The following IRS2 variants were observed in gnomAD, a reference collection of about 807,000 sequenced individuals.
IRS2 encodes the protein insulin receptor substrate 2.
IRS2 carries 28 observed loss-of-function variants against 70.9 expected under a neutral mutation model. The ratio of observed to expected loss-of-function variants is 0.39; its 90% CI spans 0.29 to 0.54. IRS2 has a LOEUF of 0.54. Ranked by LOEUF, IRS2 falls within the 20% of genes least tolerant of loss-of-function variation. The probability of loss-of-function intolerance (pLI) is 0.59; values close to 1 mark genes in which losing one functional copy is unlikely to be tolerated. For missense variants in IRS2, 2,081 were observed against 2,024.1 expected (o/e 1.03, Z -0.54); for synonymous variants, 1,217 against 981.9 (o/e 1.24, Z -4.48).
Position 109,784,317 on chromosome 13 carries a change from G to A in IRS2, c.1737C>T (p.Thr579=), listed in dbSNP as rs768507967. The stretch of plus-strand genomic sequence containing the variant: ...GCACCGGCCGCTGCCGGGCTGGCGT[G>A]GTCAGGGAGTAGGTCCTCTTGCGCA... ...RGLRKRTYSL[T]TPARQRPVPQ... The change falls in exon 1 of 2, where the codon ACC becomes ACT. Residue 579 remains threonine, a synonymous_variant. Coordinates refer to ENST00000375856, the MANE Select transcript of IRS2 (RefSeq NM_003749.3). The surrounding 1 kb of genome is among the most constrained non-coding windows in gnomAD (Gnocchi z 5.2). The A allele has an allele frequency of 6.2e-7, 1 of 1,604,188 alleles. No homozygotes were observed.
chr13:109,782,887 G>C lies in IRS2; in HGVS notation c.3167C>G (p.Pro1056Arg), dbSNP rs769819684. The C allele has an allele frequency of 1.3e-6, 2 of 1,558,842 alleles. No individual in the cohort carries two copies. Among genetic ancestry groups the C allele is most frequent in the South Asian group, 1.2e-5 (1 of 85,026 alleles). ...CGAGGACAACGATGAGGCGGCGCCC[G>C]GGCCCTGGGCGGTGGCAACGGCCGA... is the stretch of plus-strand genomic sequence containing the variant. ...PASAVATAQG[P>R]GAASSLSSDT... The change falls in exon 1 of 2, where the codon CCG becomes CGG. Residue 1056 changes from proline to arginine, a missense_variant. This residue lies in a region of IRS2 where 1,615 missense variants were observed against 1,459.5 expected (regional missense o/e 1.11). Transcript: ENST00000375856.
Position 109,784,541 on chromosome 13 carries a change from A to G in IRS2, c.1513T>C (p.Ser505Pro), listed in dbSNP as rs2138936162. Residue 505 changes from serine to proline, a missense_variant, in exon 1 of 2, where the codon TCC becomes CCC. Ser to Pro is a moderately conservative substitution (Grantham distance 74). This residue lies in a region of IRS2 where 1,615 missense variants were observed against 1,459.5 expected (regional missense o/e 1.11). Transcript: ENST00000375856. The surrounding 1 kb of genome is among the most constrained non-coding windows in gnomAD (Gnocchi z 5.2). ...PGFMSLDEYG[S>P]SPGDLRAFCS... The stretch of plus-strand genomic sequence containing the variant: ...AAGGCGCGCAGGTCGCCTGGGCTGG[A>G]GCCGTACTCGTCCAGGGACATGAAG... 6.6e-7 allele frequency: 1 copy of G among 1,505,818 alleles called. No individual in the cohort carries two copies. 93.3% of individuals were successfully genotyped at this position (1,505,818 alleles called of 1,614,324 possible). A position where few individuals can be genotyped will look rare whatever the true frequency, so the allele number is the denominator to read the frequency against.
At chr13:109,757,792 G>A (rs1016207990) in intron 1 of IRS2, among the ~76,000 whole-genome samples, 47 of 151,890 alleles carry the variant, frequency 3.1e-4, no homozygotes, top group Admixed American at 1.9e-3. Flanking sequence ...AGCAATTCTC[G>A]TGTCTCAGCC....
In IRS2 at chr13:109,782,055, G is replaced by A. The variant is rs958499333; in HGVS notation, c.3999C>T (p.Ala1333=). The change falls in exon 1 of 2, where the codon GCC becomes GCT. Residue 1333 remains alanine, a synonymous_variant. Coordinates refer to ENST00000375856, the MANE Select transcript of IRS2 (RefSeq NM_003749.3). ...IDFLSHHLKE[A]TIVKE ...GGGCCTCCTCACCTTTCACGATGGT[G>A]GCCTCCTTCAAGTGGTGGGACAAGA... 6 of 1,612,366 alleles carry A rather than the reference G, an allele frequency of 3.7e-6. No homozygotes were observed. The highest frequency in any genetic ancestry group is 1.3e-5 in the African/African-American group (1 of 74,926).
chr13:109,760,887 G>A (rs1004960582), intron 1 of IRS2, among the ~76,000 whole-genome samples: 1 of 152,156 alleles, frequency 6.6e-6, no homozygotes, highest in Non-Finnish European at 1.5e-5. Context: ...CACGGAGCTG[G>A]GCACCATGAC....
At chr13:109,778,793 C>A (rs994153550) in intron 1 of IRS2, among the ~76,000 whole-genome samples, 1 of 152,036 alleles carries the variant, frequency 6.6e-6, no homozygotes, top group Non-Finnish European at 1.5e-5. Flanking sequence ...CATATATATA[C>A]GCCAATTTTA....
intron 1 of IRS2, among the ~76,000 whole-genome samples, chr13:109,781,478 G>A (rs1253350202): frequency 2.0e-5 from 3 of 152,212 alleles, no homozygotes; most frequent in Non-Finnish European, 4.4e-5. Flanking sequence ...CCCACAGTTT[G>A]TGTGTAAAAC....
chr13:109,785,966 T>G lies in IRS2; in HGVS notation c.88A>C (p.Ser30Arg). ...CGCAGGTAGCCGCACTTGCGCACGC[T>G]GTGGTTGTTGTTGTTGTTGTTGTTG... is the stretch of plus-strand genomic sequence containing the variant. The part of the protein sequence containing the change: ...LNNNNNNNNH[S>R]VRKCGYLRKQ... The change falls in exon 1 of 2, where the codon AGC becomes CGC. Residue 30 changes from serine (S) to arginine (R), a missense_variant. Ser to Arg is a moderately radical substitution (Grantham distance 110). Around this residue, in one of 4 missense-constraint regions of IRS2, gnomAD observed 320 missense variants for 352.9 expected, o/e 0.91. Coordinates refer to ENST00000375856, the MANE Select transcript of IRS2 (RefSeq NM_003749.3). The surrounding 1 kb of genome is among the most constrained non-coding windows in gnomAD (Gnocchi z 9.3). 6.7e-7 allele frequency: 1 copy of G among 1,494,516 alleles called. No homozygotes were observed. The highest frequency in any genetic ancestry group is 8.9e-7 in the Non-Finnish European group (1 of 1,128,054). The allele number at this position is 1,494,516 out of a possible 1,614,324, so 92.6% of individuals were successfully genotyped here.
chr13:109,767,685 C>T (rs1169221614), intron 1 of IRS2, among the ~76,000 whole-genome samples: 1 of 151,444 alleles, frequency 6.6e-6, no homozygotes, highest in Admixed American at 6.6e-5. Flanking sequence ...GAGAGCATCA[C>T]GCAGTGATAT....
At position 109,776,130 on chromosome 13, in the gene IRS2, T is replaced by C. The variant is rs544765688; in HGVS notation, c.4012+5912A>G. On this transcript the variant is annotated intron_variant, in intron 1 of 1. Coordinates refer to ENST00000375856, the MANE Select transcript of IRS2 (RefSeq NM_003749.3). ...CACCACTGCACTCCAGACTGAGTGA[T>C]AGAGTGAGACTCCGTCTCAAAAAAA... Among the ~76,000 whole-genome samples, 6 of 147,158 alleles carry C rather than the reference T, an allele frequency of 4.1e-5. No individual in the cohort carries two copies. In the East Asian group the frequency reaches 7.9e-4, roughly 19 times the overall value.
In IRS2 at chr13:109,755,912, G is replaced by T; in HGVS notation, c.*392C>A. The stretch of plus-strand genomic sequence containing the variant: ...CAGATTTTACCACTTCCATAGGTAC[G>T]GGTGCACTCTCCTAGCATGCTGAGG... On this transcript the variant is annotated 3_prime_UTR_variant, in exon 2 of 2. Coordinates refer to ENST00000375856, the MANE Select transcript of IRS2 (RefSeq NM_003749.3). The T allele has an allele frequency of 3.4e-6, 1 of 296,102 alleles. No homozygotes were observed. Among genetic ancestry groups the T allele is most frequent in the Non-Finnish European group, 6.5e-6 (1 of 155,032 alleles). The allele number at this position is 296,102 out of a possible 1,614,324, so 18.3% of individuals were successfully genotyped here.
At position 109,783,469 on chromosome 13, in the gene IRS2, G is replaced by A; in HGVS notation, c.2585C>T (p.Pro862Leu). Residue 862 changes from proline (P) to leucine (L), a missense_variant, in exon 1 of 2, where the codon CCT (proline) becomes CTT (leucine). Pro to Leu is a moderately conservative substitution (Grantham distance 98). Coordinates refer to ENST00000375856, the MANE Select transcript of IRS2 (RefSeq NM_003749.3). ...SAFGAGPTQP[P>L]HPVVPSPVRP... ...CACGGGCGAAGGCACTACAGGGTGA[G>A]GGGGCTGCGTGGGGCCGGCCCCGAA... The A allele has an allele frequency of 1.3e-6, 2 of 1,540,538 alleles. No homozygotes were observed. The highest frequency in any genetic ancestry group is 1.7e-6 in the Non-Finnish European group (2 of 1,145,750).
At chr13:109,774,491 T>C (rs950039089) in intron 1 of IRS2, among the ~76,000 whole-genome samples, 1 of 152,148 alleles carries the variant, frequency 6.6e-6, no homozygotes, top group Non-Finnish European at 1.5e-5. Flanking sequence ...GGGGAGATGA[T>C]TAACTATCAC....
chr13:109,771,433 T>C (rs1479648352), intron 1 of IRS2, among the ~76,000 whole-genome samples: 1 of 152,232 alleles, frequency 6.6e-6, no homozygotes, highest in East Asian at 1.9e-4. Flanking sequence ...AGAGATTTGG[T>C]ACTTTTGCAA....
chr13:109,780,882 A>T (rs1186279734), intron 1 of IRS2, among the ~76,000 whole-genome samples: 10 of 152,142 alleles, frequency 6.6e-5, no homozygotes, highest in Non-Finnish European at 1.5e-5. Flanking sequence ...CCCGACCCCA[A>T]ACACCATTCA....
At position 109,752,964 on chromosome 13, in the gene IRS2, T is replaced by TTTA. The variant is rs1350999916; in HGVS notation, c.*3339_*3340insTAA. 6.7e-6 allele frequency: 1 copy of TTTA among 148,306 alleles called. No individual in the cohort carries two copies. Among genetic ancestry groups the TTTA allele is most frequent in the African/African-American group, 2.5e-5 (1 of 40,346 alleles). The allele number at this position is 148,306 out of a possible 1,614,324, so 9.2% of individuals were successfully genotyped here. Reference sequence around the variant, plus strand: ...CATGGAGGCAGCATTCTTCTTCTTTTTTTTTTTTTTTTTTGAGACGGAGTT... The same window carrying TTTA: ...CATGGAGGCAGCATTCTTCTTCTTTTTTATTTTTTTTTTTTTTGAGACGGAGTT... On this transcript the variant is annotated 3_prime_UTR_variant, in exon 2 of 2. Transcript: ENST00000375856.
chr13:109,783,774 C>A lies in IRS2; in HGVS notation c.2280G>T (p.Leu760=). Residue 760 remains leucine (L), a synonymous_variant, in exon 1 of 2, where the codon CTG becomes CTT. Transcript: ENST00000375856. Reference sequence around the variant, plus strand: ...CGTTGAGGTAGTCCCCGTTGGGCAGCAGCTTGCCATCTGCATGCTCCATGG... The same window carrying A: ...CGTTGAGGTAGTCCCCGTTGGGCAGAAGCTTGCCATCTGCATGCTCCATGG... ...KLSMEHADGK[L]LPNGDYLNVS... 1 of 1,597,364 alleles carries A rather than the reference C, an allele frequency of 6.3e-7. No individual in the cohort carries two copies. The highest frequency in any genetic ancestry group is 2.3e-5 in the East Asian group (1 of 43,860).
intron 1 of IRS2, among the ~76,000 whole-genome samples, chr13:109,780,348 A>G (rs913875453): frequency 7.2e-5 from 11 of 152,220 alleles, no homozygotes; most frequent in Admixed American, 5.2e-4. Context: ...TTTCTGACAC[A>G]CTAGCAATAG....
rs1323640020 is a variant in IRS2 at position 109,755,325 on chromosome 13, A to G, written c.*979T>C. ...TAAAAATCAAATCTGCCAAACCCGG[A>G]CCACCCTGGAATTGCTAGCACGCCT... On this transcript the variant is annotated 3_prime_UTR_variant, in exon 2 of 2. Transcript: ENST00000375856. 1 of 226,356 alleles carries G rather than the reference A, an allele frequency of 4.4e-6. No individual in the cohort carries two copies. Among genetic ancestry groups the G allele is most frequent in the South Asian group, 1.8e-4 (1 of 5,452 alleles). The allele number at this position is 226,356 out of a possible 1,614,324, so 14.0% of individuals were successfully genotyped here.
Sources: gnomAD v4.1 joint callset for allele counts (sites outside exome capture counted in the v4.1 genomes callset) on GRCh38, gnomAD v4.1.1 for gene constraint, gnomAD v4.1.1 regional missense constraint, Gnocchi (gnomAD v3.1) non-coding constraint, MANE v1.5 for transcripts, NCBI Gene and HGNC (gene_info 2026-07-23, HGNC 2026-07-21) for gene names.